Variants in DPP10 observed in about 807,000 individuals in gnomAD.
DPP10 encodes inactive dipeptidyl peptidase 10.
DPP10 carries 33 observed loss-of-function variants against 120.9 expected under a neutral mutation model. That is an observed-to-expected ratio of 0.27 (90% confidence interval 0.21 to 0.37). The LOEUF (loss-of-function observed/expected upper bound fraction) is 0.37. Ranked by LOEUF, DPP10 falls within the 10% of genes least tolerant of loss-of-function variation. DPP10 has a pLI of 1.00. For missense variants in DPP10, 816 were observed against 942.8 expected, an observed-to-expected ratio of 0.87 and a Z score of 1.76; for synonymous variants, 337 against 326.1, an observed-to-expected ratio of 1.03 and a Z score of -0.36.
chr2:114,518,289 G>A (rs1036538350), intron 1 of DPP10, among the ~76,000 whole-genome samples: 1 of 152,052 alleles, frequency 6.6e-6, no homozygotes, highest in South Asian at 2.1e-4. Context: ...TGTTGGCCAG[G>A]CTGGTCTCAA....
At chr2:115,454,084 C>A (rs563537281) in intron 3 of DPP10, among the ~76,000 whole-genome samples, 2 of 151,588 alleles carry the variant, frequency 1.3e-5, no homozygotes, top group Non-Finnish European at 3.0e-5. Flanking sequence ...AATTTAATAT[C>A]TTCTCTAAAA....
At chr2:115,433,245 T>G (rs773137352) in intron 3 of DPP10, among the ~76,000 whole-genome samples, 6 of 152,110 alleles carry the variant, frequency 3.9e-5, no homozygotes, top group Non-Finnish European at 8.8e-5. Context: ...TTCATGCCAC[T>G]GCTTTAGCAA....
intron 5 of DPP10, among the ~76,000 whole-genome samples, chr2:115,629,447 T>C (rs1388905146): frequency 6.6e-6 from 1 of 152,082 alleles, no homozygotes; most frequent in East Asian, 1.9e-4. Flanking sequence ...GTAAAAGTGT[T>C]CCTATTTCTC....
At chr2:115,705,895 A>G (rs1233402506) in intron 7 of DPP10, among the ~76,000 whole-genome samples, 2 of 151,876 alleles carry the variant, frequency 1.3e-5, no homozygotes, top group South Asian at 2.1e-4. Flanking sequence ...GATCAGGAAA[A>G]TCAATACCAA....
Position 114,759,177 on chromosome 2 carries a change from A to G in DPP10, c.60+316339A>G, listed in dbSNP as rs190972057. Among the ~76,000 whole-genome samples the G allele has an allele frequency of 2.4e-3, 363 of 152,352 alleles. 2 individuals are homozygous for G. The highest frequency in any genetic ancestry group is 8.3e-3 in the African/African-American group (344 of 41,588). ...TCATACTTAGAAGAAAAAGGCAGTT[A>G]CCCAGAAAAGTGAAATTTCCTGGTA... is the stretch of plus-strand genomic sequence containing the variant. On this transcript the variant is annotated intron_variant, in intron 1 of 25. Transcript: ENST00000410059.
chr2:114,868,587 C>T (rs979112068), intron 1 of DPP10, among the ~76,000 whole-genome samples: 5 of 152,056 alleles, frequency 3.3e-5, no homozygotes, highest in South Asian at 4.1e-4. Context: ...ACACTTGGTA[C>T]GGTCAGACAA....
intron 1 of DPP10, among the ~76,000 whole-genome samples, chr2:114,723,630 C>A (rs773291778): frequency 1.3e-4 from 20 of 152,174 alleles, no homozygotes; most frequent in Non-Finnish European, 2.2e-4. Context: ...GCTTGTGGGA[C>A]AATGATCAGG....
chr2:115,398,635 T>C (rs2104460597), intron 3 of DPP10, among the ~76,000 whole-genome samples: 1 of 152,264 alleles, frequency 6.6e-6, no homozygotes, highest in Admixed American at 6.5e-5. Flanking sequence ...GTCTATGGTG[T>C]CCTAGAACAT....
intron 1 of DPP10, among the ~76,000 whole-genome samples, chr2:114,819,992 T>G (rs113348409): frequency 0.022 from 3,288 of 152,348 alleles, 130 homozygotes; most frequent in African/African-American, 0.075. Context: ...ATTATACAGG[T>G]ATGCTATAGT....
intron 1 of DPP10, among the ~76,000 whole-genome samples, chr2:114,656,889 A>T (rs1697003663): frequency 6.6e-6 from 1 of 152,188 alleles, no homozygotes; most frequent in Admixed American, 6.5e-5. Context: ...TTTCAGCCTA[A>T]GTGGTCAAAC....
At chr2:115,534,088 T>C (rs1480328321) in intron 5 of DPP10, among the ~76,000 whole-genome samples, 2 of 141,280 alleles carry the variant, frequency 1.4e-5, no homozygotes, top group African/African-American at 3.0e-5. Context: ...ACAACACACT[T>C]TTATTTATTT....
intron 5 of DPP10, among the ~76,000 whole-genome samples, chr2:115,636,090 T>A (rs4538204): frequency 0.78 from 117,452 of 150,910 alleles, 46,108 homozygotes; most frequent in Middle Eastern, 0.84. Flanking sequence ...AATGGGAGAT[T>A]CACTACACCA....
chr2:115,418,103 T>C (rs1468394241), intron 3 of DPP10, among the ~76,000 whole-genome samples: 1 of 152,172 alleles, frequency 6.6e-6, no homozygotes, highest in Non-Finnish European at 1.5e-5. Context: ...AGTCAGAATG[T>C]AAATCATTTC....
chr2:115,757,213 C>A (rs1175378033), intron 11 of DPP10, among the ~76,000 whole-genome samples: 1 of 151,512 alleles, frequency 6.6e-6, no homozygotes, highest in Non-Finnish European at 1.5e-5. Flanking sequence ...ATACTGATAC[C>A]ACAACTAGAC....
At chr2:114,650,213 G>A (rs570457295) in intron 1 of DPP10, among the ~76,000 whole-genome samples, 3 of 152,204 alleles carry the variant, frequency 2.0e-5, no homozygotes, top group Middle Eastern at 3.4e-3. Context: ...AGCACACGAT[G>A]TGAGAACAAG....
intron 3 of DPP10, among the ~76,000 whole-genome samples, chr2:115,452,864 T>TA (rs1216847052): frequency 6.6e-6 from 1 of 151,940 alleles, no homozygotes; most frequent in Non-Finnish European, 1.5e-5. Context: ...AGATTCTCCA[T>TA]ATCATTATAG....
intron 1 of DPP10, chr2:115,064,490 A>G (rs139132469): frequency 0.011 from 3,129 of 286,906 alleles, 23 homozygotes; most frequent in Non-Finnish European, 0.016. Context: ...AGAGAGGATA[A>G]TTTATCTACA....
intron 3 of DPP10, among the ~76,000 whole-genome samples, chr2:115,359,092 C>T (rs1327534448): frequency 6.6e-6 from 1 of 152,118 alleles, no homozygotes; most frequent in Non-Finnish European, 1.5e-5. Context: ...TCCAACTTGC[C>T]ACACTGTAGC....
At chr2:114,798,786 C>A (rs1319887359) in intron 1 of DPP10, among the ~76,000 whole-genome samples, 1 of 152,140 alleles carries the variant, frequency 6.6e-6, no homozygotes, top group East Asian at 1.9e-4. Context: ...AATATTTCTT[C>A]ACTTTTCCAT....
Sources: allele counts gnomAD v4.1 joint callset (sites outside exome capture counted in the v4.1 genomes callset), GRCh38; gene constraint gnomAD v4.1.1; transcripts MANE v1.5; gene names NCBI Gene and HGNC (gene_info 2026-07-23, HGNC 2026-07-21).